Variants in KLF8 observed in about 807,000 individuals in gnomAD.
KLF8 encodes Krueppel-like factor 8.
KLF8 carries 10 observed loss-of-function variants against 18.2 expected under a neutral mutation model. The ratio of observed to expected loss-of-function variants is 0.55; its 90% CI spans 0.34 to 0.93. The LOEUF (loss-of-function observed/expected upper bound fraction) is 0.93. Ranked by LOEUF, KLF8 falls within the 40% of genes least tolerant of loss-of-function variation. The pLI is 0.02. For missense variants in KLF8, 264 were observed against 277.9 expected (o/e 0.95, Z 0.36); for synonymous variants, 109 against 97.3 (o/e 1.12, Z -0.71).
chrX:56,042,512 T>C, the KLF8 span, among the ~76,000 whole-genome samples: 1 of 111,713 alleles, frequency 9.0e-6, no homozygotes, highest in Admixed American at 9.5e-5. Context: ...TGCTTGAGTC[T>C]GGATGCTCCT....
chrX:56,268,334 C>A (rs1405944919), intron 3 of KLF8: 1 of 111,252 alleles, frequency 9.0e-6, no homozygotes, highest in African/African-American at 3.3e-5. Context: ...GGGAGATTGC[C>A]AGATCATACG....
the KLF8 span, among the ~76,000 whole-genome samples, chrX:56,161,830 G>A: frequency 5.4e-5 from 6 of 111,710 alleles, no homozygotes; most frequent in Admixed American, 1.9e-4. Context: ...CATTCCTTTG[G>A]TGGAGGAGAG....
chrX:56,230,763 A>G (rs73206579), upstream of KLF8, among the ~76,000 whole-genome samples: 3,865 of 111,213 alleles, frequency 0.035, 60 homozygotes, highest in South Asian at 0.072. Context: ...TAATAATATA[A>G]CTTGGCATCC....
chrX:56,001,983 A>T, the KLF8 span, among the ~76,000 whole-genome samples: 1 of 112,195 alleles, frequency 8.9e-6, no homozygotes, highest in East Asian at 2.8e-4. Context: ...TGAAGTCCAG[A>T]CTTTTTATGA....
the KLF8 span, among the ~76,000 whole-genome samples, chrX:56,100,108 G>C: frequency 9.0e-6 from 1 of 111,277 alleles, no homozygotes; most frequent in Non-Finnish European, 1.9e-5. Context: ...GGCTACTCCA[G>C]CTGGGGACTT....
the KLF8 span, among the ~76,000 whole-genome samples, chrX:55,979,633 C>T: frequency 9.0e-6 from 1 of 111,671 alleles, no homozygotes; most frequent in Non-Finnish European, 1.9e-5. Flanking sequence ...TGTGAAGCAG[C>T]AATATAAAGG....
intron 5 of KLF8, 31 bp downstream of exon 5, chrX:56,270,352 A>ACACACG: frequency 1.1e-6 from 1 of 915,015 alleles, no homozygotes; most frequent in East Asian, 3.5e-5. Flanking sequence ...CCCCCAACAC[A>ACACACG]CACACACACA....
At chrX:56,283,206 A>G (rs1160047306) in intron 5 of KLF8, among the ~76,000 whole-genome samples, 1 of 110,985 alleles carries the variant, frequency 9.0e-6, no homozygotes, top group Non-Finnish European at 1.9e-5. Flanking sequence ...AATACAACCC[A>G]AAGATTCTGG....
chrX:55,950,275 G>T, the KLF8 span, among the ~76,000 whole-genome samples: 1 of 110,842 alleles, frequency 9.0e-6, no homozygotes, highest in African/African-American at 3.3e-5. Context: ...AAGAAGAGCT[G>T]GTTGTCATGA....
chrX:56,079,102 C>T, the KLF8 span, among the ~76,000 whole-genome samples: 10 of 110,805 alleles, frequency 9.0e-5, no homozygotes, highest in East Asian at 8.5e-4. Context: ...AGCTCCTGGA[C>T]TCATTAATTT....
At chrX:56,246,450 A>G (rs1306658885) in intron 1 of KLF8, among the ~76,000 whole-genome samples, 1 of 112,164 alleles carries the variant, frequency 8.9e-6, no homozygotes, top group African/African-American at 3.2e-5. Context: ...ACTTGAACAT[A>G]TATCAACTTG....
the KLF8 span, among the ~76,000 whole-genome samples, chrX:56,091,566 G>A: frequency 4.6e-5 from 5 of 109,807 alleles, no homozygotes; most frequent in African/African-American, 1.7e-4. Context: ...GTGTGATCTC[G>A]GCTCACTGCA....
the KLF8 span, among the ~76,000 whole-genome samples, chrX:56,058,285 T>TATATACATAC: frequency 7.0e-5 from 3 of 42,813 alleles, no homozygotes; most frequent in Admixed American, 3.4e-4. Flanking sequence ...TATACATATA[T>TATATACATAC]ATATATATAT....
the KLF8 span, among the ~76,000 whole-genome samples, chrX:56,096,602 T>C: frequency 9.0e-6 from 1 of 111,497 alleles, no homozygotes; most frequent in Admixed American, 9.6e-5. Flanking sequence ...ATCAATAGTG[T>C]CTTTTATCTG....
chrX:56,074,957 T>C, the KLF8 span, among the ~76,000 whole-genome samples: 1 of 111,321 alleles, frequency 9.0e-6, no homozygotes, highest in East Asian at 2.8e-4. Context: ...ATTTTTATAA[T>C]TTTTAATTTT....
the KLF8 span, among the ~76,000 whole-genome samples, chrX:56,159,366 T>C: frequency 8.9e-6 from 1 of 111,892 alleles, no homozygotes; most frequent in African/African-American, 3.3e-5. Flanking sequence ...GTTGTGTCTC[T>C]GCCAGGCTTT....
the KLF8 span, among the ~76,000 whole-genome samples, chrX:56,196,081 G>C: frequency 9.0e-6 from 1 of 111,699 alleles, no homozygotes; most frequent in African/African-American, 3.3e-5. Flanking sequence ...CCTAAAGCAA[G>C]CATGAAACAT....
At chrX:56,031,372 G>A in the KLF8 span, among the ~76,000 whole-genome samples, 1 of 112,191 alleles carries the variant, frequency 8.9e-6, no homozygotes, top group Admixed American at 9.4e-5. Context: ...CAGAACAAAA[G>A]TGCCGATACA....
chrX:55,941,102 T>C, the KLF8 span, among the ~76,000 whole-genome samples: 1 of 109,787 alleles, frequency 9.1e-6, no homozygotes, highest in Non-Finnish European at 1.9e-5. Context: ...GCTGGAGGCA[T>C]GACCTGACTT....
Sources: allele counts gnomAD v4.1 joint callset (sites outside exome capture counted in the v4.1 genomes callset), GRCh38; gene constraint gnomAD v4.1.1; transcripts MANE v1.5; gene names NCBI Gene and HGNC (gene_info 2026-07-23, HGNC 2026-07-21).